Variants in ADAT1 observed in about 807,000 individuals in gnomAD.
ADAT1 encodes tRNA-specific adenosine deaminase 1.
ADAT1 carries 58 observed loss-of-function variants against 58.6 expected under a neutral mutation model. The observed-to-expected ratio is 0.99, with a 90% CI of 0.80 to 1.23. The LOEUF (loss-of-function observed/expected upper bound fraction) is 1.23, where lower values mean the gene tolerates loss of function less well. Among genes scored for constraint, ADAT1 ranks in the 50% most tolerant of loss-of-function variants. The pLI, the probability that ADAT1 is intolerant of heterozygous loss-of-function variation, is 0.00. For missense variants in ADAT1, 741 were observed against 608.6 expected (o/e 1.22, Z -2.29); for synonymous variants, 254 against 220.8 (o/e 1.15, Z -1.33).
Position 75,599,408 on chromosome 16 carries a change from T to G in ADAT1, c.*808A>C. 1 of 985,764 alleles carries G rather than the reference T, an allele frequency of 1.0e-6. No individual in the cohort carries two copies. The highest frequency in any genetic ancestry group is 1.2e-6 in the Non-Finnish European group (1 of 829,928). 61.1% of individuals were successfully genotyped at this position (985,764 alleles called of 1,614,324 possible). On this transcript the variant is annotated 3_prime_UTR_variant, in exon 10 of 10. Transcript: ENST00000564657. ...CCTTTTGGCTTTTTGGACAGAACTC[T>G]TTCAATTGTAAGTCAGAAAACCAAC... is the stretch of plus-strand genomic sequence containing the variant.
chr16:75,604,456 A>AAAAAAT (rs1555508674), intron 8 of ADAT1, among the ~76,000 whole-genome samples: 39 of 48,780 alleles, frequency 8.0e-4, no homozygotes, highest in African/African-American at 1.1e-3. Flanking sequence ...AAAAAAAAAA[A>AAAAAAT]ATATATATAT....
intron 5 of ADAT1, among the ~76,000 whole-genome samples, chr16:75,614,929 A>T (rs535736584): frequency 6.6e-6 from 1 of 152,230 alleles, no homozygotes; most frequent in African/African-American, 2.4e-5. Context: ...AGATCTTTAA[A>T]AATCTCAATT....
chr16:75,621,463 G>A (rs1487151316), intron 1 of ADAT1, among the ~76,000 whole-genome samples: 1 of 151,910 alleles, frequency 6.6e-6, no homozygotes, highest in African/African-American at 2.4e-5. Context: ...ACCTTGCTGG[G>A]TCTGTTTCCT....
intron 8 of ADAT1, 110 bp downstream of exon 8, chr16:75,608,114 T>G: frequency 2.3e-6 from 2 of 867,314 alleles, no homozygotes; most frequent in East Asian, 2.5e-5. Context: ...AGGTAGTGAC[T>G]GCTAATGGGT....
Position 75,618,643 on chromosome 16 carries a change from G to A in ADAT1, c.239-3C>T, listed in dbSNP as rs1179475794. 1 of 1,612,794 alleles carries A rather than the reference G, an allele frequency of 6.2e-7. No homozygotes were observed. Among genetic ancestry groups the A allele is most frequent in the Non-Finnish European group, 8.5e-7 (1 of 1,179,476 alleles). On this transcript the variant is annotated splice_polypyrimidine_tract_variant and splice_region_variant and intron_variant, in intron 3 of 9. Coordinates refer to ENST00000564657, the MANE Select transcript of ADAT1 (RefSeq NM_001324445.2). ...ATGGCTATCATTGAGGATGTCTCCT[G>A]CGGCAAAGATAGGACACCAGGTGAA...
At chr16:75,613,607 G>A (rs1330129281) in intron 5 of ADAT1, among the ~76,000 whole-genome samples, 5 of 152,040 alleles carry the variant, frequency 3.3e-5, no homozygotes, top group South Asian at 4.2e-4. Context: ...CAGCGTGCCC[G>A]GCCACTAATG....
rs1168261636 is a variant in ADAT1 at position 75,613,013 on chromosome 16, AGTGT to A, written c.425-156_425-153del. 5 of 966,942 alleles carry A rather than the reference AGTGT, an allele frequency of 5.2e-6. 1 individual carries two copies. The Admixed American group carries it at 1.2e-4, about 22-fold the overall frequency. The allele number at this position is 966,942 out of a possible 1,614,324, so 59.9% of individuals were successfully genotyped here. On this transcript the variant is annotated intron_variant, in intron 5 of 9. Transcript: ENST00000564657. Reference sequence around the variant, plus strand: ...AGAAACTCCGGAGGCAGAGCCCAGCAGTGTGTTTTTAACAAGCTCTCCAGGTGAT... The same window carrying A: ...AGAAACTCCGGAGGCAGAGCCCAGCAGTTTTTAACAAGCTCTCCAGGTGAT...
chr16:75,620,504 A>G, intron 2 of ADAT1, 127 bp downstream of exon 2: 1 of 1,410,792 alleles, frequency 7.1e-7, no homozygotes, highest in Non-Finnish European at 9.9e-7. Context: ...GTCACCTAGC[A>G]GAGGACAAGC....
At chr16:75,603,674 G>T (rs1025837873) in intron 8 of ADAT1, among the ~76,000 whole-genome samples, 2 of 151,870 alleles carry the variant, frequency 1.3e-5, no homozygotes, top group African/African-American at 4.8e-5. Context: ...ACAAAATTCT[G>T]GGTGGAGGTC....
At chr16:75,617,862 G>C (rs753386276) in intron 4 of ADAT1, among the ~76,000 whole-genome samples, 1 of 150,096 alleles carries the variant, frequency 6.7e-6, no homozygotes, top group Non-Finnish European at 1.5e-5. Flanking sequence ...GAGGCAGGAG[G>C]ATCGCTTGAG....
At position 75,609,129 on chromosome 16, in the gene ADAT1, T is replaced by C. The variant is rs141392566; in HGVS notation, c.1044-141A>G. ...TATTTGGGCAGACAGTGTTTCAGAATAGAATCAAGATTGTAAGCACCTCAT... is the reference window on the plus strand; with the variant it reads ...TATTTGGGCAGACAGTGTTTCAGAACAGAATCAAGATTGTAAGCACCTCAT... On this transcript the variant is annotated intron_variant, in intron 6 of 9. Coordinates refer to ENST00000564657, the MANE Select transcript of ADAT1 (RefSeq NM_001324445.2). 132 of 988,924 alleles carry C rather than the reference T, an allele frequency of 1.3e-4. No individual in the cohort carries two copies. In the East Asian group the frequency reaches 1.6e-3, roughly 12 times the overall value. 61.3% of individuals were successfully genotyped at this position (988,924 alleles called of 1,614,324 possible).
rs532097029 is a variant in ADAT1 at position 75,612,447 on chromosome 16, T to C, written c.839A>G (p.Gln280Arg). ...TGGCTTCACTCGGAGCAGCCCCACC[T>C]GGTGAAACGCAGCACCCGGCTTTCC... ...DSGKPGAAFH[Q>R]VGLLRVKPGR... Residue 280 changes from glutamine (Q) to arginine (R), a missense_variant, in exon 6 of 10, where the codon CAG becomes CGG. Coordinates refer to ENST00000564657, the MANE Select transcript of ADAT1 (RefSeq NM_001324445.2). The C allele has an allele frequency of 1.9e-6, 3 of 1,614,214 alleles. No homozygotes were observed. Among genetic ancestry groups the C allele is most frequent in the Admixed American group, 1.7e-5 (1 of 60,024 alleles).
intron 9 of ADAT1, among the ~76,000 whole-genome samples, chr16:75,601,626 C>T (rs1209138856): frequency 6.6e-6 from 1 of 152,070 alleles, no homozygotes; most frequent in Non-Finnish European, 1.5e-5. Context: ...GGCGTGGTGG[C>T]GGGTGCCTGT....
chr16:75,612,543 G>T lies in ADAT1; in HGVS notation c.743C>A (p.Pro248His), dbSNP rs182108765. The T allele has an allele frequency of 5.6e-6, 9 of 1,614,140 alleles. No homozygotes were observed. The East Asian group carries it at 1.8e-4, about 32-fold the overall frequency. Residue 248 changes from proline to histidine, a missense_variant, in exon 6 of 10, where the codon CCT becomes CAT. Transcript: ENST00000564657. ...EGLATVTRIA[P>H]GSAKVIDVYR... ...AACGTCTATCACTTTGGCACTACCAGGGGCTATTCTGGTGACAGTAGCCAG... is the reference window on the plus strand; with the variant it reads ...AACGTCTATCACTTTGGCACTACCATGGGCTATTCTGGTGACAGTAGCCAG...
Position 75,617,000 on chromosome 16 carries a change from ACT to A in ADAT1, c.424+140_424+141del, listed in dbSNP as rs892789235. On this transcript the variant is annotated intron_variant, in intron 5 of 9. Coordinates refer to ENST00000564657, the MANE Select transcript of ADAT1 (RefSeq NM_001324445.2). The stretch of plus-strand genomic sequence containing the variant: ...GTACACTAGCCTGTCATAAAAAGGC[ACT>A]GTCACTACTTGTGGCTACTTGTGAC... 2.6e-5 allele frequency: 25 copies of A among 972,384 alleles called. No homozygotes were observed. In the African/African-American group the frequency reaches 3.5e-4, roughly 13 times the overall value. 60.2% of individuals were successfully genotyped at this position (972,384 alleles called of 1,614,324 possible).
chr16:75,604,456 A>AAAAAATAT (rs1555508674), intron 8 of ADAT1, among the ~76,000 whole-genome samples: 9 of 48,776 alleles, frequency 1.8e-4, no homozygotes, highest in African/African-American at 8.4e-4. Context: ...AAAAAAAAAA[A>AAAAAATAT]ATATATATAT....
In ADAT1 at chr16:75,599,245, C is replaced by T; in HGVS notation, c.*971G>A. 1.2e-6 allele frequency: 1 copy of T among 828,738 alleles called. No homozygotes were observed. The highest frequency in any genetic ancestry group is 1.5e-6 in the Non-Finnish European group (1 of 687,538). The allele number at this position is 828,738 out of a possible 1,614,324, so 51.3% of individuals were successfully genotyped here. ...TACAGGTGTGCGCCACCATGCCCGG[C>T]TAGTTTTTGCATTTTTAGTAGAGAC... is the stretch of plus-strand genomic sequence containing the variant. On this transcript the variant is annotated 3_prime_UTR_variant, in exon 10 of 10. Transcript: ENST00000564657.
At chr16:75,615,985 CTCTT>C (rs1304393346) in intron 5 of ADAT1, among the ~76,000 whole-genome samples, 1 of 151,664 alleles carries the variant, frequency 6.6e-6, no homozygotes, top group Non-Finnish European at 1.5e-5. Context: ...TTTTCTCATA[CTCTT>C]TCTTTCTTCT....
chr16:75,619,295 G>A (rs939029989), intron 3 of ADAT1, among the ~76,000 whole-genome samples: 15 of 152,160 alleles, frequency 9.9e-5, no homozygotes, highest in African/African-American at 1.7e-4. Flanking sequence ...GGCCAAGGCA[G>A]GAGGATAGCT....
Sources: gnomAD v4.1 joint callset for allele counts (sites outside exome capture counted in the v4.1 genomes callset) on GRCh38, gnomAD v4.1.1 for gene constraint, MANE v1.5 for transcripts, NCBI Gene and HGNC (gene_info 2026-07-23, HGNC 2026-07-21) for gene names.